Variants in EXOC6B observed in about 807,000 individuals in gnomAD.
EXOC6B encodes the protein exocyst complex component 6B.
Under a neutral mutation model 113.5 loss-of-function variants are expected in EXOC6B, and 54 were observed. The observed-to-expected ratio is 0.48, with a 90% CI of 0.38 to 0.60. EXOC6B has a LOEUF of 0.60. Ranked by LOEUF, EXOC6B falls within the 20% of genes least tolerant of loss-of-function variation. The pLI, the probability that EXOC6B is intolerant of heterozygous loss-of-function variation, is 0.00. For missense variants in EXOC6B, 797 were observed against 977.5 expected, an observed-to-expected ratio of 0.82 and a Z score of 2.46; for synonymous variants, 357 against 339.0, an observed-to-expected ratio of 1.05 and a Z score of -0.58.
At chr2:72,318,699 A>G (rs776245420) in intron 20 of EXOC6B, among the ~76,000 whole-genome samples, 4 of 152,220 alleles carry the variant, frequency 2.6e-5, no homozygotes, top group South Asian at 2.1e-4. Context: ...ATTGTAATAC[A>G]GTAAGGTTAA....
intron 6 of EXOC6B, 146 bp from the exon 7 acceptor site, chr2:72,575,814 T>A: frequency 1.5e-6 from 1 of 672,294 alleles, no homozygotes; most frequent in Non-Finnish European, 2.3e-6. Flanking sequence ...ACGAAAATAC[T>A]ACAACAAAAG....
In EXOC6B at chr2:72,575,629, GTTGCAAGACGATGTTATCCAGGTTTCT is replaced by G. The variant is rs1558810642; in HGVS notation, c.682_708del (p.Arg228_Gln236del). 6.2e-7 allele frequency: 1 copy of G among 1,604,632 alleles called. No homozygotes were observed. Among genetic ancestry groups the G allele is most frequent in the Non-Finnish European group, 8.5e-7 (1 of 1,176,318 alleles). On this transcript the variant is annotated inframe_deletion, in exon 7 of 22. Coordinates refer to ENST00000272427, the MANE Select transcript of EXOC6B (RefSeq NM_015189.3). ...TTCCTCTTGCTACCTATTCTGGGTT[GTTGCAAGACGATGTTATCCAGGTTTCT>G]TTGCTGCTGGGCCTAGGATAGAGAA...
chr2:72,295,425 C>T (rs1328071076), intron 20 of EXOC6B, among the ~76,000 whole-genome samples: 1 of 152,084 alleles, frequency 6.6e-6, no homozygotes, highest in African/African-American at 2.4e-5. Flanking sequence ...CACTTTCTTG[C>T]ATGTAATGCT....
intron 20 of EXOC6B, among the ~76,000 whole-genome samples, chr2:72,328,944 C>T (rs1688283517): frequency 6.6e-6 from 1 of 151,996 alleles, no homozygotes; most frequent in East Asian, 1.9e-4. Flanking sequence ...AGTTATTTGA[C>T]TTCTGACTAT....
At chr2:72,778,235 T>C (rs1312810740) in intron 1 of EXOC6B, among the ~76,000 whole-genome samples, 1 of 152,134 alleles carries the variant, frequency 6.6e-6, no homozygotes, top group Non-Finnish European at 1.5e-5. Flanking sequence ...CTGTAAGCCA[T>C]GTATAAAACA....
chr2:72,300,198 T>C (rs543874536), intron 20 of EXOC6B, among the ~76,000 whole-genome samples: 1 of 152,020 alleles, frequency 6.6e-6, no homozygotes, highest in Non-Finnish European at 1.5e-5. Context: ...GGGCTGCTGC[T>C]TTTTTTTCAG....
At chr2:72,397,660 T>TAAAATAAAATTAAAAAA (rs146573352) in intron 18 of EXOC6B, among the ~76,000 whole-genome samples, 1 of 139,852 alleles carries the variant, frequency 7.2e-6, no homozygotes. Context: ...TAAAATAAAA[T>TAAAATAAAATTAAAAAA]TATATATATA....
intron 6 of EXOC6B, among the ~76,000 whole-genome samples, chr2:72,704,098 G>T (rs1226566580): frequency 2.7e-5 from 4 of 149,962 alleles, no homozygotes; most frequent in Non-Finnish European, 5.9e-5. Context: ...CTCAGCAAAT[G>T]TAAAAGAACA....
chr2:72,431,295 T>A (rs928524832), intron 18 of EXOC6B, among the ~76,000 whole-genome samples: 3 of 152,142 alleles, frequency 2.0e-5, no homozygotes, highest in African/African-American at 7.2e-5. Flanking sequence ...CACTGACAAT[T>A]TTATGATGAA....
At chr2:72,612,809 G>A (rs1671156399) in intron 6 of EXOC6B, among the ~76,000 whole-genome samples, 1 of 152,202 alleles carries the variant, frequency 6.6e-6, no homozygotes, top group African/African-American at 2.4e-5. Flanking sequence ...CTCCGTATTT[G>A]TTTAAGCCCC....
intron 15 of EXOC6B, among the ~76,000 whole-genome samples, chr2:72,493,639 T>C (rs1699881009): frequency 6.6e-6 from 1 of 152,192 alleles, no homozygotes; most frequent in South Asian, 2.1e-4. Flanking sequence ...TATATTCTAT[T>C]TTTTTAAGAT....
intron 20 of EXOC6B, among the ~76,000 whole-genome samples, chr2:72,309,664 T>TG (rs1233710608): frequency 6.6e-6 from 1 of 152,190 alleles, no homozygotes; most frequent in Non-Finnish European, 1.5e-5. Context: ...CAGTGAAACT[T>TG]AATTTACCAC....
chr2:72,537,592 A>T lies in EXOC6B; in HGVS notation c.915+21861T>A, dbSNP rs561295875. On this transcript the variant is annotated intron_variant, in intron 8 of 21. Coordinates refer to ENST00000272427, the MANE Select transcript of EXOC6B (RefSeq NM_015189.3). ...GGCTGTAGCAAGCTGAGATCATGCC[A>T]CTACACTCCCAGCCTGGGCAACAGA... Among the ~76,000 whole-genome samples, 3 of 152,206 alleles carry T rather than the reference A, an allele frequency of 2.0e-5. No individual in the cohort carries two copies. In the East Asian group the frequency reaches 5.8e-4, roughly 29 times the overall value.
chr2:72,413,376 T>C (rs1416438214), intron 18 of EXOC6B, among the ~76,000 whole-genome samples: 1 of 151,662 alleles, frequency 6.6e-6, no homozygotes, highest in Non-Finnish European at 1.5e-5. Flanking sequence ...GGGCCTGAAA[T>C]TTTGCCTTTT....
At chr2:72,814,931 C>A (rs1424924643) in intron 1 of EXOC6B, among the ~76,000 whole-genome samples, 3 of 152,270 alleles carry the variant, frequency 2.0e-5, no homozygotes, top group African/African-American at 7.2e-5. Flanking sequence ...GCGGAGCTTG[C>A]AGTGAACCGA....
intron 19 of EXOC6B, among the ~76,000 whole-genome samples, chr2:72,350,222 G>A (rs116030284): frequency 7.6e-4 from 115 of 152,202 alleles, no homozygotes; most frequent in Middle Eastern, 6.8e-3. Flanking sequence ...ATTAAAGACC[G>A]TTTTTGATAA....
chr2:72,340,574 T>C (rs931172707), intron 19 of EXOC6B, among the ~76,000 whole-genome samples: 3 of 152,126 alleles, frequency 2.0e-5, no homozygotes, highest in African/African-American at 4.8e-5. Context: ...GTTTAGACAA[T>C]GGACACGATA....
chr2:72,214,773 T>A (rs1271450498), intron 20 of EXOC6B, among the ~76,000 whole-genome samples: 2 of 152,148 alleles, frequency 1.3e-5, no homozygotes, highest in Non-Finnish European at 2.9e-5. Context: ...TTAATTTGAT[T>A]TTATGAACAG....
chr2:72,678,992 C>T (rs1400751874), intron 6 of EXOC6B, among the ~76,000 whole-genome samples: 3 of 152,150 alleles, frequency 2.0e-5, no homozygotes, highest in East Asian at 1.9e-4. Flanking sequence ...TCCACATTAT[C>T]AACCACTTTG....
Sources: gnomAD v4.1 joint callset for allele counts (sites outside exome capture counted in the v4.1 genomes callset) on GRCh38, gnomAD v4.1.1 for gene constraint, MANE v1.5 for transcripts, NCBI Gene and HGNC (gene_info 2026-07-23, HGNC 2026-07-21) for gene names.